The following HEATR5A variants were observed in gnomAD, a reference collection of about 807,000 sequenced individuals.
HEATR5A encodes the protein HEAT repeat-containing protein 5A.
A neutral mutation model predicts 218.8 loss-of-function variants in HEATR5A; 178 were observed. The observed-to-expected ratio is 0.81, with a 90% CI of 0.72 to 0.92. The LOEUF is 0.92. Among genes scored for constraint, HEATR5A ranks in the 40% least tolerant of loss-of-function variants. The pLI is 0.00. For synonymous variants in HEATR5A, 864 were observed against 871.6 expected (o/e 0.99, Z 0.15); for missense variants, 2,420 against 2,418.9 (o/e 1.00, Z -0.01).
chr14:31,293,750 A>G, intron 35 of HEATR5A, 138 bp from the exon 36 acceptor site: 1 of 1,038,450 alleles, frequency 9.6e-7, no homozygotes, highest in South Asian at 1.7e-5. Flanking sequence ...ATACTAAATA[A>G]TATCAATACT....
At chr14:31,349,537 T>C (rs1458050047) in intron 18 of HEATR5A, among the ~76,000 whole-genome samples, 1 of 152,238 alleles carries the variant, frequency 6.6e-6, no homozygotes. Flanking sequence ...ATCCCATTGA[T>C]GATCAATTAC....
At chr14:31,320,277 C>G (rs1417930145) in intron 25 of HEATR5A, 2 of 713,682 alleles carry the variant, frequency 2.8e-6, no homozygotes, top group African/African-American at 3.5e-5. Context: ...AGCCCCATGG[C>G]CTCAGACAGG....
chr14:31,307,154 T>C (rs1899581003), intron 30 of HEATR5A, among the ~76,000 whole-genome samples: 1 of 152,220 alleles, frequency 6.6e-6, no homozygotes, highest in South Asian at 2.1e-4. Flanking sequence ...GGTGAAACCC[T>C]GTCTCAATCT....
intron 6 of HEATR5A, among the ~76,000 whole-genome samples, chr14:31,389,582 C>G (rs1198200617): frequency 2.0e-5 from 3 of 152,054 alleles, no homozygotes; most frequent in African/African-American, 4.8e-5. Context: ...TTAATTAAGG[C>G]AGGAATGTTT....
At position 31,318,153 on chromosome 14, in the gene HEATR5A, T is replaced by C. The variant is rs550084528; in HGVS notation, c.4038+71A>G. 3.8e-5 allele frequency: 49 copies of C among 1,290,968 alleles called. No homozygotes were observed. In the African/African-American group the frequency reaches 6.4e-4, roughly 17 times the overall value. 80.0% of individuals were successfully genotyped at this position (1,290,968 alleles called of 1,614,324 possible). On this transcript the variant is annotated intron_variant, in intron 26 of 35. Transcript: ENST00000543095. ...TAAGACAACCATAAAGAAAAAACAT[T>C]GGTAAAAAAATACTAACTGGAGGAC...
intron 1 of HEATR5A, among the ~76,000 whole-genome samples, chr14:31,404,965 C>T (rs1444779895): frequency 1.4e-5 from 2 of 146,428 alleles, no homozygotes; most frequent in African/African-American, 5.1e-5. Context: ...TGGCTCATGC[C>T]TGTAATCCCA....
intron 21 of HEATR5A, among the ~76,000 whole-genome samples, chr14:31,339,478 T>C (rs1482061936): frequency 7.3e-6 from 1 of 137,354 alleles, no homozygotes; most frequent in Non-Finnish European, 1.6e-5. Flanking sequence ...AAAAAAAGAA[T>C]GTACAAGAAG....
intron 21 of HEATR5A, among the ~76,000 whole-genome samples, chr14:31,338,862 A>G (rs1218292818): frequency 6.6e-6 from 1 of 152,118 alleles, no homozygotes; most frequent in Non-Finnish European, 1.5e-5. Flanking sequence ...TACGTCTGTA[A>G]CGCTAGCACT....
At chr14:31,359,160 T>C in intron 14 of HEATR5A, 103 bp from the exon 15 acceptor site, 1 of 1,086,198 alleles carries the variant, frequency 9.2e-7, no homozygotes, top group Non-Finnish European at 1.3e-6. Context: ...TGGCCAACTT[T>C]AACATATCAC....
At chr14:31,303,937 G>A (rs1899470582) in intron 32 of HEATR5A, among the ~76,000 whole-genome samples, 1 of 152,116 alleles carries the variant, frequency 6.6e-6, no homozygotes, top group African/African-American at 2.4e-5. Context: ...TGGGCATGGT[G>A]GCTCACACCT....
chr14:31,340,480 C>A, intron 21 of HEATR5A: 1 of 1,288,166 alleles, frequency 7.8e-7, no homozygotes, highest in Non-Finnish European at 1.0e-6. Flanking sequence ...AGATCTCCTG[C>A]ACAAAAACAA....
chr14:31,302,604 T>C, intron 32 of HEATR5A, 85 bp from the exon 33 acceptor site: 1 of 859,564 alleles, frequency 1.2e-6, no homozygotes, highest in South Asian at 1.7e-5. Context: ...AGTAAGACAA[T>C]GTCAGATTTT....
chr14:31,321,054 TCCTCCCCCCTTTCTTC>T lies in HEATR5A; in HGVS notation c.3969+429_3969+444del, dbSNP rs1900083789. ...TATCCCAATTCGGTTCATAGACAGA[TCCTCCCCCCTTTCTTC>T]CCTCCCTCCCTTGCTCCCTTCCTTC... On this transcript the variant is annotated intron_variant, in intron 25 of 35. Transcript: ENST00000543095. Among the ~76,000 whole-genome samples, 3 of 152,086 alleles carry T rather than the reference TCCTCCCCCCTTTCTTC, an allele frequency of 2.0e-5. No individual in the cohort carries two copies. The South Asian group carries it at 6.2e-4, about 32-fold the overall frequency.
At chr14:31,401,128 C>T (rs930644956) in intron 2 of HEATR5A, among the ~76,000 whole-genome samples, 4 of 151,912 alleles carry the variant, frequency 2.6e-5, no homozygotes, top group Non-Finnish European at 4.4e-5. Context: ...CGTTAGCCAC[C>T]GCGTATTATT....
At position 31,302,401 on chromosome 14, in the gene HEATR5A, T is replaced by C. The variant is rs755368785; in HGVS notation, c.5358A>G (p.Leu1786=). The change falls in exon 33 of 36, where the codon CTA becomes CTG. Residue 1786 remains leucine (L), a synonymous_variant. Transcript: ENST00000543095. Reference sequence around the variant, plus strand: ...CCATGGGAGAAGATAATATTCCTTTTAGAGCCTGTAGGGAAGCTGCAACTG... The same window carrying C: ...CCATGGGAGAAGATAATATTCCTTTCAGAGCCTGTAGGGAAGCTGCAACTG... ...SSTVAASLQA[L]KGILSSPMAR... 8.7e-6 allele frequency: 14 copies of C among 1,600,010 alleles called. No individual in the cohort carries two copies. In the South Asian group the frequency reaches 1.2e-4, roughly 14 times the overall value.
chr14:31,410,752 T>C lies in HEATR5A; in HGVS notation c.-74-7703A>G, dbSNP rs368399839. Among the ~76,000 whole-genome samples, 8 of 152,312 alleles carry C rather than the reference T, an allele frequency of 5.3e-5. No individual in the cohort carries two copies. In the South Asian group the frequency reaches 8.3e-4, roughly 16 times the overall value. On this transcript the variant is annotated intron_variant, in intron 1 of 35. Coordinates refer to ENST00000543095, the MANE Select transcript of HEATR5A (RefSeq NM_015473.4). ...ATCTTGTCTGTATCAATTCCATCTT[T>C]GAATCTGAAATATCTTGCTTCCTTC...
chr14:31,312,019 C>T (rs561705954), intron 28 of HEATR5A, among the ~76,000 whole-genome samples: 23 of 152,110 alleles, frequency 1.5e-4, no homozygotes, highest in Non-Finnish European at 3.2e-4. Context: ...GTGGGACGTG[C>T]AGTTTCGGGA....
rs1348341104 is a variant in HEATR5A at position 31,358,637 on chromosome 14, CT to C, written c.2410del (p.Arg804GlyfsTer12). The C allele has an allele frequency of 1.9e-6, 3 of 1,611,720 alleles. No homozygotes were observed. The East Asian group carries it at 6.7e-5, about 36-fold the overall frequency. The stretch of plus-strand genomic sequence containing the variant: ...TCACTGAACCATTGAAGATATTTAC[CT>C]TTGAGTTTCTCCCACATGAGCGCAT... ...VVCAHVGETQ[R>X]LLILEQLLDS... On this transcript the variant is annotated frameshift_variant and splice_region_variant, in exon 16 of 36. Coordinates refer to ENST00000543095, the MANE Select transcript of HEATR5A (RefSeq NM_015473.4). LOFTEE classifies it high-confidence loss of function.
intron 1 of HEATR5A, among the ~76,000 whole-genome samples, chr14:31,415,953 C>T (rs573455969): frequency 1.8e-3 from 271 of 148,554 alleles, no homozygotes; most frequent in African/African-American, 5.9e-3. Flanking sequence ...TTTTTTTTTT[C>T]CTTTTCTTTT....
Sources: gnomAD v4.1 joint callset for allele counts (sites outside exome capture counted in the v4.1 genomes callset) on GRCh38, gnomAD v4.1.1 for gene constraint, MANE v1.5 for transcripts, NCBI Gene and HGNC (gene_info 2026-07-23, HGNC 2026-07-21) for gene names.